The following NEO1 variants were observed in gnomAD, a reference collection of about 807,000 sequenced individuals.
NEO1 encodes neogenin.
NEO1 carries 63 observed loss-of-function variants against 159.7 expected under a neutral mutation model. The observed-to-expected ratio is 0.39, with a 90% CI of 0.32 to 0.49. NEO1 has a LOEUF of 0.49. NEO1 is among the 20% of genes least tolerant of loss of function. The probability of loss-of-function intolerance (pLI) is 0.85; values close to 1 mark genes in which losing one functional copy is unlikely to be tolerated. For missense variants in NEO1, 1,615 were observed against 1,831.0 expected (o/e 0.88, Z 2.15); for synonymous variants, 633 against 662.0 (o/e 0.96, Z 0.67).
intron 7 of NEO1, among the ~76,000 whole-genome samples, chr15:73,224,613 C>G (rs956270010): frequency 1.3e-5 from 2 of 152,118 alleles, no homozygotes; most frequent in Admixed American, 6.5e-5. Flanking sequence ...CTGAGACTTT[C>G]CAGAGCATTT....
chr15:73,234,869 A>G (rs2039089781), intron 7 of NEO1, among the ~76,000 whole-genome samples: 2 of 152,184 alleles, frequency 1.3e-5, no homozygotes, highest in African/African-American at 4.8e-5. Context: ...GATTTTATTA[A>G]TACCACTCCA....
intron 19 of NEO1, among the ~76,000 whole-genome samples, chr15:73,273,307 A>G (rs1328946772): frequency 1.3e-5 from 2 of 152,190 alleles, no homozygotes; most frequent in African/African-American, 2.4e-5. Context: ...GGAAATGGAA[A>G]GTGTTTCTTA....
intron 5 of NEO1, among the ~76,000 whole-genome samples, chr15:73,170,900 C>T (rs927549895): frequency 2.0e-5 from 3 of 151,038 alleles, no homozygotes; most frequent in Non-Finnish European, 2.9e-5. Flanking sequence ...GCCTGATGGG[C>T]AATGATAACC....
intron 7 of NEO1, among the ~76,000 whole-genome samples, chr15:73,204,727 G>A (rs2037114232): frequency 6.6e-6 from 1 of 152,060 alleles, no homozygotes; most frequent in African/African-American, 2.4e-5. Context: ...AAATACCCTG[G>A]TGATAATTCC....
In NEO1 at chr15:73,109,909, G is replaced by C. The variant is rs539498214; in HGVS notation, c.131-6631G>C. Among the ~76,000 whole-genome samples, 3 of 152,288 alleles carry C rather than the reference G, an allele frequency of 2.0e-5. No individual in the cohort carries two copies. In the South Asian group the frequency reaches 6.2e-4, roughly 32 times the overall value. On this transcript the variant is annotated intron_variant, in intron 1 of 28. Coordinates refer to ENST00000261908, the MANE Select transcript of NEO1 (RefSeq NM_002499.4). ...TGTCTGAGGTAGATCAGTCTTTGGAGAAATCAGCTGTGCAGGGCAGAGAGA... is the reference window on the plus strand; with the variant it reads ...TGTCTGAGGTAGATCAGTCTTTGGACAAATCAGCTGTGCAGGGCAGAGAGA...
chr15:73,170,215 G>C (rs1289679243), intron 5 of NEO1, among the ~76,000 whole-genome samples: 1 of 152,048 alleles, frequency 6.6e-6, no homozygotes, highest in Non-Finnish European at 1.5e-5. Context: ...AAAAATCTTT[G>C]GTTGTTTTCT....
chr15:73,093,202 G>A (rs1241879071), intron 1 of NEO1, among the ~76,000 whole-genome samples: 1 of 152,214 alleles, frequency 6.6e-6, no homozygotes, highest in Non-Finnish European at 1.5e-5. Flanking sequence ...TCAAGGCATT[G>A]ATACATAATA....
intron 25 of NEO1, among the ~76,000 whole-genome samples, chr15:73,291,360 A>G (rs1225223284): frequency 6.6e-6 from 1 of 152,186 alleles, no homozygotes; most frequent in African/African-American, 2.4e-5. Flanking sequence ...TCCAGTTGAT[A>G]TCATTCTTCT....
chr15:73,083,916 A>G (rs895721163), intron 1 of NEO1, among the ~76,000 whole-genome samples: 4 of 152,174 alleles, frequency 2.6e-5, no homozygotes, highest in African/African-American at 9.7e-5. Context: ...TAGCTTCCCA[A>G]AACACTGGGA....
chr15:73,298,502 T>A lies in NEO1; in HGVS notation c.4056T>A (p.His1352Gln), dbSNP rs1257449358. 1 of 1,614,188 alleles carries A rather than the reference T, an allele frequency of 6.2e-7. No individual in the cohort carries two copies. Among genetic ancestry groups the A allele is most frequent in the Non-Finnish European group, 8.5e-7 (1 of 1,180,034 alleles). ...EDSGQSLPTA[H>Q]VRPSHPLKSF... ...CAGGCCAGAGTCTTCCCACTGCCCA[T>A]GTTCGCCCTTCCCACCCATTGAAGA... Residue 1352 changes from histidine to glutamine, a missense_variant, in exon 27 of 29, where the codon CAT becomes CAA. Physicochemically the swap from His to Gln is conservative, Grantham distance 24. Coordinates refer to ENST00000261908, the MANE Select transcript of NEO1 (RefSeq NM_002499.4).
At chr15:73,056,539 T>G (rs573615490) in intron 1 of NEO1, among the ~76,000 whole-genome samples, 1 of 152,338 alleles carries the variant, frequency 6.6e-6, no homozygotes, top group South Asian at 2.1e-4. Context: ...AGTAAATGTT[T>G]GTTGACTGAA....
intron 19 of NEO1, among the ~76,000 whole-genome samples, chr15:73,273,586 T>G (rs2041273330): frequency 6.6e-6 from 1 of 152,210 alleles, no homozygotes. Context: ...TCACTGTGGC[T>G]CTGCCCAGGA....
chr15:73,102,426 C>A (rs1403378172), intron 1 of NEO1, among the ~76,000 whole-genome samples: 2 of 152,094 alleles, frequency 1.3e-5, no homozygotes, highest in Admixed American at 1.3e-4. Flanking sequence ...AATTTGAGAA[C>A]ACTGTCTACA....
At chr15:73,261,863 A>G (rs1018188023) in intron 15 of NEO1, among the ~76,000 whole-genome samples, 2 of 152,208 alleles carry the variant, frequency 1.3e-5, no homozygotes, top group Admixed American at 6.5e-5. Flanking sequence ...TAGAAGACCC[A>G]TACTAGCTGA....
chr15:73,287,688 C>T (rs1180708439), intron 23 of NEO1, among the ~76,000 whole-genome samples: 1 of 152,124 alleles, frequency 6.6e-6, no homozygotes, highest in Admixed American at 6.5e-5. Context: ...CGAGAACAGC[C>T]TGGCCAACAT....
At chr15:73,147,655 T>C (rs1326899937) in intron 5 of NEO1, among the ~76,000 whole-genome samples, 2 of 152,180 alleles carry the variant, frequency 1.3e-5, no homozygotes, top group African/African-American at 4.8e-5. Context: ...TGACTATCAT[T>C]GTTGGCATTA....
rs869029902 is a variant in NEO1 at position 73,279,351 on chromosome 15, G to GTTTTTTTTTT, written c.3262+1158_3262+1167dup. On this transcript the variant is annotated intron_variant, in intron 22 of 28. Transcript: ENST00000261908. ...ATGTTTTTTTGTTGTTTTGGTTTTG[G>GTTTTTTTTTT]TTTTTTTTTTTTTTTGAGATGGAAT... Among the ~76,000 whole-genome samples, 1,020 of 119,184 alleles carry GTTTTTTTTTT rather than the reference G, an allele frequency of 8.6e-3. 132 individuals carry two copies. Among genetic ancestry groups the GTTTTTTTTTT allele is most frequent in the Non-Finnish European group, 0.012 (714 of 57,224 alleles). 78.2% of individuals were successfully genotyped at this position (119,184 alleles called of 152,430 possible).
At chr15:73,112,884 T>TA (rs2071082019) in intron 1 of NEO1, among the ~76,000 whole-genome samples, 1 of 152,196 alleles carries the variant, frequency 6.6e-6, no homozygotes, top group South Asian at 2.1e-4. Context: ...TTACTGTTAT[T>TA]ACATGGTGTG....
rs546299585 is a variant in NEO1 at position 73,265,619 on chromosome 15, T to C, written c.2399-697T>C. Reference sequence around the variant, plus strand: ...GTGAATGACACTGCTATCTACTGTGTTGCCCAAAGCACTTTTTCCTTGCCA... The same window carrying C: ...GTGAATGACACTGCTATCTACTGTGCTGCCCAAAGCACTTTTTCCTTGCCA... On this transcript the variant is annotated intron_variant, in intron 15 of 28. Coordinates refer to ENST00000261908, the MANE Select transcript of NEO1 (RefSeq NM_002499.4). Among the ~76,000 whole-genome samples, 10 of 152,372 alleles carry C rather than the reference T, an allele frequency of 6.6e-5. No individual in the cohort carries two copies. The East Asian group carries it at 1.7e-3, about 26-fold the overall frequency.
Sources: allele counts gnomAD v4.1 joint callset (sites outside exome capture counted in the v4.1 genomes callset), GRCh38; gene constraint gnomAD v4.1.1; transcripts MANE v1.5; gene names NCBI Gene and HGNC (gene_info 2026-07-23, HGNC 2026-07-21).